The following SAMMSON variants were observed in gnomAD, a reference collection of about 807,000 sequenced individuals.
The protein encoded by SAMMSON is long intergenic non-protein coding RNA 1212.
At chr3:70,172,770 C>G (rs1700969569) in intron 4 of SAMMSON, 1 of 151,862 alleles carries the variant, frequency 6.6e-6, no homozygotes, top group Admixed American at 6.6e-5. Context: ...CAAAAGACAG[C>G]TGGGGAAATT....
At chr3:70,155,157 A>T (rs1389363921) in intron 4 of SAMMSON, among the ~76,000 whole-genome samples, 1 of 151,944 alleles carries the variant, frequency 6.6e-6, no homozygotes, top group Admixed American at 6.6e-5. Flanking sequence ...AACCTCGGTC[A>T]GGTCACCTAT....
chr3:70,415,008 A>G (rs1455431709), intron 2 of SAMMSON, among the ~76,000 whole-genome samples: 1 of 152,128 alleles, frequency 6.6e-6, no homozygotes, highest in East Asian at 1.9e-4. Flanking sequence ...GCATATAGAG[A>G]AAAGCTGAAA....
intron 6 of SAMMSON, among the ~76,000 whole-genome samples, chr3:70,285,776 T>A (rs1371008040): frequency 2.0e-5 from 3 of 152,110 alleles, no homozygotes; most frequent in Non-Finnish European, 2.9e-5. Context: ...GGTATCTCAT[T>A]GTGGTTTTGA....
chr3:70,217,191 T>A (rs1487643983), intron 4 of SAMMSON, among the ~76,000 whole-genome samples: 1 of 152,140 alleles, frequency 6.6e-6, no homozygotes, highest in South Asian at 2.1e-4. Context: ...AGACCGTAGG[T>A]ACTCAACATA....
intron 3 of SAMMSON, among the ~76,000 whole-genome samples, chr3:70,027,059 C>T (rs1399265452): frequency 1.3e-5 from 2 of 152,206 alleles, no homozygotes; most frequent in East Asian, 1.9e-4. Context: ...AAGAAGTCTG[C>T]GACCCTGCAG....
intron 4 of SAMMSON, among the ~76,000 whole-genome samples, chr3:70,154,307 A>G (rs1379319738): frequency 1.3e-5 from 2 of 152,058 alleles, no homozygotes; most frequent in Non-Finnish European, 2.9e-5. Context: ...ATATTCTTAC[A>G]AAAGTGGTCT....
At chr3:70,169,461 C>A (rs899078872) in intron 4 of SAMMSON, among the ~76,000 whole-genome samples, 2 of 151,860 alleles carry the variant, frequency 1.3e-5, no homozygotes, top group African/African-American at 4.8e-5. Context: ...TTAACATCTC[C>A]TTTTCATATT....
intron 4 of SAMMSON, among the ~76,000 whole-genome samples, chr3:70,084,991 A>C (rs911556190): frequency 3.9e-5 from 6 of 152,184 alleles, no homozygotes; most frequent in African/African-American, 1.2e-4. Context: ...TCTTACCTCA[A>C]GACTGGGTGG....
chr3:70,016,116 C>T (rs547557108), intron 3 of SAMMSON, among the ~76,000 whole-genome samples: 6 of 152,258 alleles, frequency 3.9e-5, no homozygotes, highest in South Asian at 4.1e-4. Context: ...ATTTCTAGTT[C>T]TAGATCCCTG....
intron 2 of SAMMSON, among the ~76,000 whole-genome samples, chr3:70,407,024 A>G (rs1701183128): frequency 6.6e-6 from 1 of 152,210 alleles, no homozygotes; most frequent in South Asian, 2.1e-4. Flanking sequence ...CACTTCTTAC[A>G]TGTTGTTGGC....
intron 6 of SAMMSON, among the ~76,000 whole-genome samples, chr3:70,286,439 C>G (rs936901675): frequency 1.3e-4 from 19 of 151,704 alleles, no homozygotes; most frequent in South Asian, 2.1e-4. Context: ...GGTACCAGTA[C>G]CATGCTGTTT....
intron 4 of SAMMSON, among the ~76,000 whole-genome samples, chr3:70,173,512 C>G (rs1489674297): frequency 1.3e-5 from 2 of 151,876 alleles, no homozygotes; most frequent in Non-Finnish European, 2.9e-5. Flanking sequence ...AATCCCCTGT[C>G]TAGGCATTAT....
At chr3:70,018,066 C>T (rs1292739099) in intron 3 of SAMMSON, among the ~76,000 whole-genome samples, 1 of 152,044 alleles carries the variant, frequency 6.6e-6, no homozygotes, top group Non-Finnish European at 1.5e-5. Context: ...GTGTCTCTAC[C>T]AGGCTTTGGT....
At chr3:70,207,884 A>G (rs1420613800) in intron 4 of SAMMSON, among the ~76,000 whole-genome samples, 1 of 151,998 alleles carries the variant, frequency 6.6e-6, no homozygotes, top group African/African-American at 2.4e-5. Flanking sequence ...GGACAACTGT[A>G]TGCATTCTCC....
intron 2 of SAMMSON, among the ~76,000 whole-genome samples, chr3:70,401,176 A>G (rs1323563279): frequency 6.6e-6 from 1 of 152,152 alleles, no homozygotes; most frequent in Non-Finnish European, 1.5e-5. Flanking sequence ...TCTCATGGAC[A>G]AAGGTTTATC....
At chr3:70,347,369 C>G (rs1575630716) in intron 7 of SAMMSON, among the ~76,000 whole-genome samples, 1 of 152,196 alleles carries the variant, frequency 6.6e-6, no homozygotes, top group African/African-American at 2.4e-5. Flanking sequence ...AAACTTGGCT[C>G]TTGGCTTTTG....
intron 4 of SAMMSON, among the ~76,000 whole-genome samples, chr3:70,169,966 G>T (rs1386301220): frequency 1.3e-5 from 2 of 151,920 alleles, no homozygotes; most frequent in African/African-American, 4.8e-5. Context: ...AAAGGAGGGG[G>T]ACACTGGCTA....
chr3:70,039,165 C>G (rs1387976821), intron 3 of SAMMSON, among the ~76,000 whole-genome samples: 1 of 152,144 alleles, frequency 6.6e-6, no homozygotes, highest in Non-Finnish European at 1.5e-5. Flanking sequence ...CCACTGAGTA[C>G]TTGACCTGCC....
At chr3:70,156,213 T>C (rs2067591376) in intron 4 of SAMMSON, among the ~76,000 whole-genome samples, 1 of 152,058 alleles carries the variant, frequency 6.6e-6, no homozygotes, top group African/African-American at 2.4e-5. Context: ...GATGAGGGTT[T>C]GTTTCTGGTG....
Sources: allele counts gnomAD v4.1 joint callset (sites outside exome capture counted in the v4.1 genomes callset), GRCh38; gene constraint gnomAD v4.1.1; transcripts MANE v1.5; gene names NCBI Gene and HGNC (gene_info 2026-07-23, HGNC 2026-07-21).